Variants in HS3ST5 observed in about 807,000 individuals in gnomAD.
HS3ST5 encodes the protein heparan sulfate-glucosamine 3-sulfotransferase 5, also known as heparan sulfate glucosamine 3-O-sulfotransferase 5.
A neutral mutation model predicts 25.4 loss-of-function variants in HS3ST5; 10 were observed. That is an observed-to-expected ratio of 0.39 (90% CI 0.24 to 0.67). HS3ST5 has a LOEUF of 0.67. Ranked by LOEUF, HS3ST5 falls within the 30% of genes least tolerant of loss-of-function variation. The pLI is 0.44. For missense variants in HS3ST5, 324 were observed against 420.7 expected (o/e 0.77, Z 2.01); for synonymous variants, 170 against 162.4 (o/e 1.05, Z -0.36).
At chr6:114,136,476 T>C (rs1777620258) in intron 3 of HS3ST5, among the ~76,000 whole-genome samples, 2 of 152,218 alleles carry the variant, frequency 1.3e-5, no homozygotes, top group Non-Finnish European at 2.9e-5. Flanking sequence ...CTTTATAAAT[T>C]ACCCAGTCTC....
At chr6:114,157,661 A>G (rs1252361271) in intron 3 of HS3ST5, among the ~76,000 whole-genome samples, 2 of 152,220 alleles carry the variant, frequency 1.3e-5, no homozygotes, top group Non-Finnish European at 1.5e-5. Flanking sequence ...GTATACATAT[A>G]TCAAAATATT....
intron 3 of HS3ST5, among the ~76,000 whole-genome samples, chr6:114,111,344 A>G (rs2114848818): frequency 6.6e-6 from 1 of 152,342 alleles, no homozygotes; most frequent in East Asian, 1.9e-4. Context: ...AAATAGGAAC[A>G]TCCTTAGCAA....
At chr6:114,068,959 G>T (rs7753206) in intron 3 of HS3ST5, among the ~76,000 whole-genome samples, 21,500 of 152,116 alleles carry the variant, frequency 0.14, 1,552 homozygotes, top group Middle Eastern at 0.21. Flanking sequence ...ACGACAAATT[G>T]TAGAGACATC....
chr6:114,256,811 G>C (rs868293287), intron 1 of HS3ST5, among the ~76,000 whole-genome samples: 2 of 152,078 alleles, frequency 1.3e-5, no homozygotes, highest in Non-Finnish European at 2.9e-5. Flanking sequence ...CTTTACAGTA[G>C]TGTCCCACTC....
intron 3 of HS3ST5, among the ~76,000 whole-genome samples, chr6:114,081,179 T>C (rs1174036562): frequency 6.6e-6 from 1 of 152,118 alleles, no homozygotes; most frequent in Non-Finnish European, 1.5e-5. Context: ...CCGAAATAAT[T>C]ACAGTAGTAA....
At chr6:114,298,272 T>C (rs1308759404) in intron 1 of HS3ST5, among the ~76,000 whole-genome samples, 1 of 152,230 alleles carries the variant, frequency 6.6e-6, no homozygotes, top group East Asian at 1.9e-4. Context: ...ATATTCTAGG[T>C]TATATTTCAT....
At chr6:114,126,855 C>T (rs1777062859) in intron 3 of HS3ST5, among the ~76,000 whole-genome samples, 1 of 152,140 alleles carries the variant, frequency 6.6e-6, no homozygotes, top group Admixed American at 6.6e-5. Context: ...AACAGATGCA[C>T]AGGAAGCCAT....
intron 2 of HS3ST5, among the ~76,000 whole-genome samples, chr6:114,173,360 G>A (rs1779563897): frequency 6.6e-6 from 1 of 152,136 alleles, no homozygotes; most frequent in Non-Finnish European, 1.5e-5. Flanking sequence ...AATTAAAAAT[G>A]AGTAATTACT....
intron 3 of HS3ST5, among the ~76,000 whole-genome samples, chr6:114,137,150 A>G (rs143426891): frequency 1.6e-3 from 244 of 152,322 alleles, no homozygotes; most frequent in African/African-American, 5.7e-3. Context: ...TGGAAACCTG[A>G]GAATTATCTC....
At chr6:114,277,777 G>A (rs55789587) in intron 1 of HS3ST5, among the ~76,000 whole-genome samples, 95 of 152,090 alleles carry the variant, frequency 6.2e-4, no homozygotes, top group African/African-American at 2.2e-3. Context: ...ATTCAAGGTC[G>A]TTTTAAAAGA....
intron 1 of HS3ST5, among the ~76,000 whole-genome samples, chr6:114,284,804 T>G (rs555475266): frequency 3.3e-5 from 5 of 151,864 alleles, no homozygotes; most frequent in Non-Finnish European, 7.4e-5. Context: ...TGTGAATATA[T>G]ACATATAGAT....
intron 3 of HS3ST5, among the ~76,000 whole-genome samples, chr6:114,087,151 C>T (rs926736459): frequency 1.3e-5 from 2 of 152,090 alleles, no homozygotes; most frequent in African/African-American, 4.8e-5. Flanking sequence ...TGTTGACCTC[C>T]CTCTTCCTCC....
chr6:114,181,416 A>G (rs1028045514), intron 2 of HS3ST5, among the ~76,000 whole-genome samples: 4 of 152,242 alleles, frequency 2.6e-5, no homozygotes, highest in African/African-American at 9.6e-5. Flanking sequence ...TTTCTTACAT[A>G]TAACTGAGAA....
At chr6:114,209,199 C>G (rs1582717385) in intron 2 of HS3ST5, among the ~76,000 whole-genome samples, 1 of 152,014 alleles carries the variant, frequency 6.6e-6, no homozygotes, top group Non-Finnish European at 1.5e-5. Flanking sequence ...TGTACATTCT[C>G]TACAGTCAAT....
intron 3 of HS3ST5, among the ~76,000 whole-genome samples, chr6:114,063,102 C>T (rs992207698): frequency 3.9e-5 from 6 of 152,214 alleles, no homozygotes; most frequent in African/African-American, 1.2e-4. Flanking sequence ...AGGATACTAA[C>T]TAGTACTAAC....
intron 3 of HS3ST5, among the ~76,000 whole-genome samples, chr6:114,092,271 G>C (rs933438234): frequency 6.6e-6 from 1 of 152,204 alleles, no homozygotes; most frequent in Admixed American, 6.5e-5. Context: ...CTCATCCCCA[G>C]TACATCACAC....
intron 2 of HS3ST5, among the ~76,000 whole-genome samples, chr6:114,178,237 C>T (rs1779811728): frequency 6.6e-6 from 1 of 152,058 alleles, no homozygotes; most frequent in African/African-American, 2.4e-5. Flanking sequence ...CCTGTTTTGC[C>T]ACACTCTCAC....
intron 3 of HS3ST5, among the ~76,000 whole-genome samples, chr6:114,112,999 C>A (rs924637338): frequency 1.3e-5 from 2 of 152,154 alleles, no homozygotes; most frequent in African/African-American, 4.8e-5. Flanking sequence ...TCAGGGGCCT[C>A]CCTAATGGCA....
At chr6:114,175,757 G>A (rs535794189) in intron 2 of HS3ST5, among the ~76,000 whole-genome samples, 4 of 152,100 alleles carry the variant, frequency 2.6e-5, no homozygotes, top group Non-Finnish European at 2.9e-5. Context: ...GAATGTTATC[G>A]TCCACAGCAA....
Sources: gnomAD v4.1 joint callset for allele counts (sites outside exome capture counted in the v4.1 genomes callset) on GRCh38, gnomAD v4.1.1 for gene constraint, MANE v1.5 for transcripts, NCBI Gene and HGNC (gene_info 2026-07-23, HGNC 2026-07-21) for gene names.